TMEM272: variants seen among roughly 807,000 people sequenced by gnomAD.
The protein encoded by TMEM272 is transmembrane protein 272.
A neutral mutation model predicts 3.7 loss-of-function variants in TMEM272; 8 were observed. The ratio of observed to expected loss-of-function variants is 2.17; its 90% CI spans 1.27 to 3.91. The LOEUF (loss-of-function observed/expected upper bound fraction) is 3.91, where lower values mean the gene tolerates loss of function less well. Ranked by LOEUF, TMEM272 falls within the 30% of genes most tolerant of loss-of-function variation. TMEM272 has a pLI of 0.00. For synonymous variants in TMEM272, 63 were observed against 39.8 expected (o/e 1.58, Z -2.20); for missense variants, 166 against 91.5 (o/e 1.81, Z -3.32).
chr13:51,899,480 A>G, the TMEM272 span, among the ~76,000 whole-genome samples: 403 of 152,372 alleles, frequency 2.6e-3, 11 homozygotes, highest in East Asian at 0.067. Flanking sequence ...AAATTGTAAG[A>G]TATCATGAAA....
At chr13:51,824,908 G>A (rs192269719) in intron 3 of TMEM272, among the ~76,000 whole-genome samples, 11 of 152,286 alleles carry the variant, frequency 7.2e-5, no homozygotes, top group African/African-American at 2.2e-4. Context: ...AGCCGAGATC[G>A]CTCCACTGCA....
chr13:51,865,507 C>T, the TMEM272 span: 1 of 1,614,202 alleles, frequency 6.2e-7, no homozygotes, highest in Non-Finnish European at 8.5e-7. Context: ...AACTAATGCA[C>T]AAGCTGCAGG....
intron 4 of TMEM272, among the ~76,000 whole-genome samples, chr13:51,817,438 C>T (rs983673979): frequency 2.6e-5 from 4 of 152,186 alleles, no homozygotes; most frequent in Non-Finnish European, 4.4e-5. Context: ...AAGGTTCAGA[C>T]TGACTCTCTC....
At chr13:51,846,285 G>A (rs541934228), upstream of TMEM272, among the ~76,000 whole-genome samples, 4 of 152,290 alleles carry the variant, frequency 2.6e-5, no homozygotes, top group South Asian at 8.3e-4. Context: ...TTCAGTCAAT[G>A]ATGGACCACA....
At chr13:51,829,482 G>T (rs1447670065) in intron 2 of TMEM272, among the ~76,000 whole-genome samples, 3 of 152,174 alleles carry the variant, frequency 2.0e-5, no homozygotes, top group Non-Finnish European at 4.4e-5. Context: ...GAATTAGAGA[G>T]AATTTCAGTT....
the TMEM272 span, among the ~76,000 whole-genome samples, chr13:51,922,901 T>C: frequency 1.5e-3 from 229 of 152,340 alleles, no homozygotes; most frequent in Non-Finnish European, 2.7e-3. Context: ...AGAAACACCC[T>C]TGTGATTATC....
the TMEM272 span, among the ~76,000 whole-genome samples, chr13:51,921,752 G>C: frequency 6.6e-6 from 1 of 152,304 alleles, no homozygotes; most frequent in African/African-American, 2.4e-5. Context: ...AGAACTTAAG[G>C]GGCTCAAGCA....
chr13:51,872,570 TG>T, the TMEM272 span, among the ~76,000 whole-genome samples: 1 of 151,802 alleles, frequency 6.6e-6, no homozygotes, highest in Non-Finnish European at 1.5e-5. Context: ...CCCAGAAGAG[TG>T]GATGAAAACA....
chr13:51,866,123 G>C, the TMEM272 span: 1 of 1,484,262 alleles, frequency 6.7e-7, no homozygotes, highest in South Asian at 1.4e-5. Context: ...ACTCCCCTGG[G>C]TTGGGATTCA....
chr13:51,897,192 C>T, the TMEM272 span, among the ~76,000 whole-genome samples: 1 of 152,144 alleles, frequency 6.6e-6, no homozygotes, highest in Non-Finnish European at 1.5e-5. Context: ...GGTAAACCTG[C>T]CCAACTTTTA....
At chr13:51,918,534 C>G in the TMEM272 span, among the ~76,000 whole-genome samples, 3 of 152,300 alleles carry the variant, frequency 2.0e-5, no homozygotes, top group African/African-American at 7.2e-5. Context: ...TCAAGATGTT[C>G]AGGGTGGGTA....
At chr13:51,831,665 C>T (rs1956174491) in intron 2 of TMEM272, among the ~76,000 whole-genome samples, 1 of 152,256 alleles carries the variant, frequency 6.6e-6, no homozygotes, top group Admixed American at 6.5e-5. Context: ...GCCCCACTCT[C>T]GCCTGATCCC....
At chr13:51,915,654 T>C in the TMEM272 span, among the ~76,000 whole-genome samples, 1 of 152,232 alleles carries the variant, frequency 6.6e-6, no homozygotes, top group Non-Finnish European at 1.5e-5. Context: ...GGAGTAGTCC[T>C]GGGTCCTGGA....
the TMEM272 span, chr13:51,908,122 G>C: frequency 6.1e-6 from 3 of 492,386 alleles, no homozygotes; most frequent in Non-Finnish European, 1.2e-5. Context: ...GTTTCAATTT[G>C]AGCAAAAGTG....
chr13:51,828,529 TG>T (rs1484229815), intron 2 of TMEM272, among the ~76,000 whole-genome samples: 1 of 152,162 alleles, frequency 6.6e-6, no homozygotes, highest in African/African-American at 2.4e-5. Flanking sequence ...CAGAGTGATT[TG>T]CCCCAATTTC....
At chr13:51,931,905 A>AT in the TMEM272 span, among the ~76,000 whole-genome samples, 1 of 152,118 alleles carries the variant, frequency 6.6e-6, no homozygotes, top group Admixed American at 6.5e-5. Flanking sequence ...AGACGTGGAT[A>AT]TGGGGGAGAA....
chr13:51,820,004 T>G (rs1328251978), intron 4 of TMEM272, among the ~76,000 whole-genome samples: 1 of 152,184 alleles, frequency 6.6e-6, no homozygotes, highest in Admixed American at 6.5e-5. Context: ...AGCCCCCTTG[T>G]ACTCTCAAAA....
chr13:51,886,075 G>A, the TMEM272 span, among the ~76,000 whole-genome samples: 7 of 152,168 alleles, frequency 4.6e-5, no homozygotes, highest in African/African-American at 1.7e-4. Flanking sequence ...CTGGTACCTA[G>A]ACCTTCCATC....
At chr13:51,844,059 C>T (rs1390755690) in intron 1 of TMEM272, among the ~76,000 whole-genome samples, 1 of 152,126 alleles carries the variant, frequency 6.6e-6, no homozygotes, top group Non-Finnish European at 1.5e-5. Context: ...CAGTCCCCAA[C>T]AACACTTATC....
Sources: gnomAD v4.1 joint callset for allele counts (sites outside exome capture counted in the v4.1 genomes callset) on GRCh38, gnomAD v4.1.1 for gene constraint, MANE v1.5 for transcripts, NCBI Gene and HGNC (gene_info 2026-07-23, HGNC 2026-07-21) for gene names.